HS3ST4: variants seen among roughly 807,000 people sequenced by gnomAD.
HS3ST4 encodes the protein heparan sulfate glucosamine 3-O-sulfotransferase 4.
Under a neutral mutation model 29.2 loss-of-function variants are expected in HS3ST4, and 17 were observed. That is an observed-to-expected ratio of 0.58 (90% confidence interval 0.40 to 0.87). HS3ST4 has a LOEUF of 0.87. Among genes scored for constraint, HS3ST4 ranks in the 40% least tolerant of loss-of-function variants. The probability of loss-of-function intolerance (pLI) is 0.00; values close to 1 mark genes in which losing one functional copy is unlikely to be tolerated. For missense variants in HS3ST4, 627 were observed against 634.5 expected, an observed-to-expected ratio of 0.99 and a Z score of 0.13; for synonymous variants, 314 against 285.7, an observed-to-expected ratio of 1.10 and a Z score of -1.00.
chr16:25,873,742 A>G (rs1202954312), intron 1 of HS3ST4, among the ~76,000 whole-genome samples: 1 of 151,882 alleles, frequency 6.6e-6, no homozygotes, highest in Non-Finnish European at 1.5e-5. Flanking sequence ...CTAGCAAGCC[A>G]TCCAGTCATC....
chr16:25,758,156 G>A (rs553545594), intron 1 of HS3ST4, among the ~76,000 whole-genome samples: 13 of 152,294 alleles, frequency 8.5e-5, no homozygotes, highest in African/African-American at 2.9e-4. Context: ...AAACGGGAGA[G>A]AGAAATAAGA....
At chr16:26,036,569 C>T (rs1006542616) in intron 1 of HS3ST4, among the ~76,000 whole-genome samples, 1 of 152,130 alleles carries the variant, frequency 6.6e-6, no homozygotes, top group African/African-American at 2.4e-5. Context: ...TGGATGCCTC[C>T]ATTTAAGCCA....
chr16:25,692,779 C>T lies in HS3ST4; in HGVS notation c.362C>T (p.Pro121Leu). The part of the protein sequence containing the change: ...PPEPPEQPAA[P>L]GTDGWGLPSG... The stretch of plus-strand genomic sequence containing the variant: ...GAGCCCCCAGAGCAGCCAGCCGCCC[C>T]CGGGACCGACGGCTGGGGGCTGCCG... The change falls in exon 1 of 2, where the codon CCC becomes CTC. Residue 121 changes from proline to leucine, a missense_variant. Around this residue, in one of 2 missense-constraint regions of HS3ST4, gnomAD observed 402 missense variants for 340.8 expected, o/e 1.18. Coordinates refer to ENST00000331351, the MANE Select transcript of HS3ST4 (RefSeq NM_006040.3). 1.5e-6 allele frequency: 2 copies of T among 1,364,004 alleles called. No homozygotes were observed. The highest frequency in any genetic ancestry group is 6.2e-5 in the East Asian group (2 of 32,364). The allele number at this position is 1,364,004 out of a possible 1,614,324, so 84.5% of individuals were successfully genotyped here.
chr16:25,931,259 G>A (rs1160268941), intron 1 of HS3ST4, among the ~76,000 whole-genome samples: 2 of 152,226 alleles, frequency 1.3e-5, no homozygotes, highest in African/African-American at 4.8e-5. Flanking sequence ...AGGAAGAACA[G>A]GAGCAGCCCA....
intron 1 of HS3ST4, among the ~76,000 whole-genome samples, chr16:25,946,769 G>C (rs1195745771): frequency 6.6e-6 from 1 of 152,154 alleles, no homozygotes; most frequent in Non-Finnish European, 1.5e-5. Flanking sequence ...ATCAGGAAAG[G>C]CTTCTGGGAG....
chr16:25,776,092 G>A (rs1252771654), intron 1 of HS3ST4, among the ~76,000 whole-genome samples: 1 of 152,162 alleles, frequency 6.6e-6, no homozygotes, highest in Non-Finnish European at 1.5e-5. Context: ...CCTTAGTACT[G>A]ATGGCTGGTT....
intron 1 of HS3ST4, among the ~76,000 whole-genome samples, chr16:25,801,417 T>C (rs537318132): frequency 6.6e-6 from 1 of 152,318 alleles, no homozygotes; most frequent in African/African-American, 2.4e-5. Flanking sequence ...TGTGCAAGTC[T>C]TTCTGTGAGG....
At chr16:25,916,361 C>A (rs184767437) in intron 1 of HS3ST4, among the ~76,000 whole-genome samples, 10 of 151,922 alleles carry the variant, frequency 6.6e-5, no homozygotes, top group Non-Finnish European at 1.5e-4. Flanking sequence ...TGTTTATATT[C>A]GAATGCATTT....
rs552285416 is a variant in HS3ST4, at chr16:26,086,539, C to T, written c.735-49073C>T. Among the ~76,000 whole-genome samples the T allele has an allele frequency of 1.1e-4, 16 of 151,984 alleles. No individual in the cohort carries two copies. The East Asian group carries it at 2.5e-3, about 24-fold the overall frequency. On this transcript the variant is annotated intron_variant, in intron 1 of 1. Transcript: ENST00000331351. ...TAATTTTTTGTATTTTTAGTAGAGG[C>T]GGGGTTTCGCCGTATTAGCCAGGAT... is the stretch of plus-strand genomic sequence containing the variant.
chr16:25,772,754 C>T (rs1407579344), intron 1 of HS3ST4, among the ~76,000 whole-genome samples: 4 of 152,172 alleles, frequency 2.6e-5, no homozygotes, highest in Admixed American at 6.5e-5. Context: ...TTCTAACTGT[C>T]TCACCATTCT....
chr16:26,009,311 C>T (rs777194442), intron 1 of HS3ST4, among the ~76,000 whole-genome samples: 6 of 152,150 alleles, frequency 3.9e-5, no homozygotes, highest in Non-Finnish European at 7.3e-5. Context: ...ATTTGTCTTT[C>T]CCAATAGATT....
chr16:25,733,445 C>T (rs748823294), intron 1 of HS3ST4, among the ~76,000 whole-genome samples: 4 of 152,090 alleles, frequency 2.6e-5, no homozygotes, highest in South Asian at 2.1e-4. Flanking sequence ...CATCTAGCCC[C>T]GTCATGAGGC....
At chr16:26,071,879 A>G (rs1898607405) in intron 1 of HS3ST4, among the ~76,000 whole-genome samples, 1 of 152,144 alleles carries the variant, frequency 6.6e-6, no homozygotes, top group South Asian at 2.1e-4. Context: ...ATGTTAGCAT[A>G]TAACTAAGTG....
chr16:25,927,202 A>C (rs1453466800), intron 1 of HS3ST4, among the ~76,000 whole-genome samples: 2 of 152,262 alleles, frequency 1.3e-5, no homozygotes, highest in Admixed American at 1.3e-4. Flanking sequence ...ATATGAAGTA[A>C]TAATAAACTT....
At chr16:25,817,522 A>C (rs934398438) in intron 1 of HS3ST4, among the ~76,000 whole-genome samples, 2 of 152,242 alleles carry the variant, frequency 1.3e-5, no homozygotes, top group Non-Finnish European at 2.9e-5. Context: ...GCAGCAAGCC[A>C]TATTTGGCCA....
chr16:25,934,777 T>C (rs1968502682), intron 1 of HS3ST4, among the ~76,000 whole-genome samples: 1 of 152,144 alleles, frequency 6.6e-6, no homozygotes, highest in Admixed American at 6.5e-5. Flanking sequence ...TATTTGGGAT[T>C]TTTTAATGTA....
chr16:25,701,545 C>T (rs1422964388), intron 1 of HS3ST4, among the ~76,000 whole-genome samples: 1 of 152,112 alleles, frequency 6.6e-6, no homozygotes, highest in Non-Finnish European at 1.5e-5. Flanking sequence ...TATAAAGATC[C>T]ATCCCCGGCC....
rs1020238880 is a variant in HS3ST4, at chr16:26,125,861, G to A, written c.735-9751G>A. Among the ~76,000 whole-genome samples, 7 of 152,276 alleles carry A rather than the reference G, an allele frequency of 4.6e-5. 1 individual carries two copies. Among genetic ancestry groups the A allele is most frequent in the African/African-American group, 1.4e-4 (6 of 41,558 alleles). On this transcript the variant is annotated intron_variant, in intron 1 of 1. Transcript: ENST00000331351. The stretch of plus-strand genomic sequence containing the variant: ...AGCTGCCTTGCACTTGTCTTTAAAT[G>A]TACGCCTGGAACCTGAACGCTGAGT...
chr16:25,693,290 C>G (rs528328130), intron 1 of HS3ST4, 139 bp downstream of exon 1: 1 of 925,734 alleles, frequency 1.1e-6, no homozygotes, highest in South Asian at 2.0e-5. Flanking sequence ...CAAACCCTGG[C>G]GGCGTTGCTC....
Sources: gnomAD v4.1 joint callset for allele counts (sites outside exome capture counted in the v4.1 genomes callset) on GRCh38, gnomAD v4.1.1 for gene constraint, gnomAD v4.1.1 regional missense constraint, MANE v1.5 for transcripts, NCBI Gene and HGNC (gene_info 2026-07-23, HGNC 2026-07-21) for gene names.